The following PAPSS1 variants were observed in gnomAD, a reference collection of about 807,000 sequenced individuals.
The protein encoded by PAPSS1 is 3'-phosphoadenosine 5'-phosphosulfate synthase 1, also known as bifunctional 3'-phosphoadenosine 5'-phosphosulfate synthase 1.
A neutral mutation model predicts 72.0 loss-of-function variants in PAPSS1; 50 were observed. The ratio of observed to expected loss-of-function variants is 0.69; its 90% CI spans 0.55 to 0.88. The LOEUF is 0.88. Ranked by LOEUF, PAPSS1 falls within the 40% of genes least tolerant of loss-of-function variation. The pLI is 0.00. For missense variants in PAPSS1, 657 were observed against 782.2 expected, an observed-to-expected ratio of 0.84 and a Z score of 1.91; for synonymous variants, 261 against 263.6, an observed-to-expected ratio of 0.99 and a Z score of 0.09.
chr4:107,715,846 ACCTCACTATAACC>A (rs1208690719), intron 1 of PAPSS1, among the ~76,000 whole-genome samples: 2 of 152,168 alleles, frequency 1.3e-5, no homozygotes, highest in Non-Finnish European at 2.9e-5. Context: ...ACTTCTTTAA[ACCTCACTATAACC>A]CCATATGGTA....
intron 11 of PAPSS1, among the ~76,000 whole-genome samples, chr4:107,623,004 C>T (rs1726008096): frequency 6.6e-6 from 1 of 152,252 alleles, no homozygotes; most frequent in Admixed American, 6.5e-5. Context: ...GTCCTACTGA[C>T]TGTGCCTCCT....
chr4:107,618,133 G>C (rs1725870374), intron 11 of PAPSS1, among the ~76,000 whole-genome samples: 1 of 152,002 alleles, frequency 6.6e-6, no homozygotes, highest in African/African-American at 2.4e-5. Context: ...TCACCAAAAG[G>C]CAAAACATTT....
intron 5 of PAPSS1, among the ~76,000 whole-genome samples, chr4:107,672,196 C>T (rs747353052): frequency 6.6e-6 from 1 of 152,172 alleles, no homozygotes; most frequent in Admixed American, 6.5e-5. Context: ...GCGCATCTCA[C>T]TGGGGAGTGT....
intron 6 of PAPSS1, among the ~76,000 whole-genome samples, chr4:107,659,232 G>A (rs1310076209): frequency 6.6e-6 from 1 of 152,150 alleles, no homozygotes; most frequent in African/African-American, 2.4e-5. Context: ...TCCCATCAGG[G>A]ATTTGGTAAC....
intron 5 of PAPSS1, among the ~76,000 whole-genome samples, chr4:107,679,842 A>G (rs555101842): frequency 1.6e-4 from 25 of 152,280 alleles, no homozygotes; most frequent in African/African-American, 5.8e-4. Flanking sequence ...GAAAAAGTGG[A>G]CAGCATGCAT....
At chr4:107,699,495 A>T (rs1723156427) in intron 2 of PAPSS1, among the ~76,000 whole-genome samples, 1 of 152,192 alleles carries the variant, frequency 6.6e-6, no homozygotes, top group African/African-American at 2.4e-5. Context: ...CAGAGAAAAA[A>T]GACACCCTCA....
chr4:107,629,288 G>T (rs1362485111), intron 11 of PAPSS1, among the ~76,000 whole-genome samples: 2 of 152,204 alleles, frequency 1.3e-5, no homozygotes, highest in Admixed American at 1.3e-4. Flanking sequence ...ATGTCCCAAA[G>T]AAATCAGCAG....
At chr4:107,650,922 T>C in intron 9 of PAPSS1, among the ~76,000 whole-genome samples, 1 of 152,166 alleles carries the variant, frequency 6.6e-6, no homozygotes, top group East Asian at 1.9e-4. Flanking sequence ...CCCTCTTCCT[T>C]AGATCTCAAT....
intron 11 of PAPSS1, among the ~76,000 whole-genome samples, chr4:107,625,919 T>C (rs1726083704): frequency 6.6e-6 from 1 of 151,210 alleles, no homozygotes; most frequent in Non-Finnish European, 1.5e-5. Context: ...CGGTGGCTCA[T>C]GCCTGTAATC....
chr4:107,716,210 C>T (rs2125944421), intron 1 of PAPSS1, among the ~76,000 whole-genome samples: 1 of 152,226 alleles, frequency 6.6e-6, no homozygotes, highest in South Asian at 2.1e-4. Context: ...CAACATAATG[C>T]AGAAGAGCAC....
At chr4:107,685,802 C>G (rs929217954) in intron 4 of PAPSS1, among the ~76,000 whole-genome samples, 10 of 152,178 alleles carry the variant, frequency 6.6e-5, no homozygotes, top group African/African-American at 2.2e-4. Flanking sequence ...TTTTCCTTCC[C>G]ACTGTATCTT....
chr4:107,653,861 C>T (rs538572536), intron 8 of PAPSS1, among the ~76,000 whole-genome samples: 83 of 152,190 alleles, frequency 5.5e-4, no homozygotes, highest in African/African-American at 1.9e-3. Context: ...AAAAGCAATG[C>T]GAATAATTAC....
Position 107,644,039 on chromosome 4 carries a change from T to C in PAPSS1, c.1506+763A>G, listed in dbSNP as rs554701208. Among the ~76,000 whole-genome samples the C allele has an allele frequency of 4.6e-5, 7 of 152,216 alleles. 1 individual carries two copies. In the Middle Eastern group the frequency reaches 0.024, roughly 518 times the overall value. ...TAATGTGAGATGGCAAACCAGCTGGTGGCAACCCAGAACCCAAACTGTGCC... is the reference window on the plus strand; with the variant it reads ...TAATGTGAGATGGCAAACCAGCTGGCGGCAACCCAGAACCCAAACTGTGCC... On this transcript the variant is annotated intron_variant, in intron 10 of 11. Transcript: ENST00000265174.
At chr4:107,642,599 T>C (rs1726578327) in intron 10 of PAPSS1, among the ~76,000 whole-genome samples, 1 of 152,158 alleles carries the variant, frequency 6.6e-6, no homozygotes, top group South Asian at 2.1e-4. Flanking sequence ...GTCTGAAAAA[T>C]ACAGTAAGAA....
chr4:107,631,485 G>T, intron 11 of PAPSS1, 146 bp downstream of exon 11: 1 of 579,226 alleles, frequency 1.7e-6, no homozygotes, highest in Non-Finnish European at 3.0e-6. Context: ...CCAGAATGTT[G>T]GGAAATTACT....
chr4:107,672,357 C>G (rs959678479), intron 5 of PAPSS1, among the ~76,000 whole-genome samples: 2 of 152,238 alleles, frequency 1.3e-5, no homozygotes, highest in African/African-American at 4.8e-5. Flanking sequence ...AAAATCAGGT[C>G]ACTCCCACCC....
chr4:107,683,309 A>C (rs752649281), intron 4 of PAPSS1, among the ~76,000 whole-genome samples: 19 of 152,218 alleles, frequency 1.2e-4, no homozygotes, highest in Middle Eastern at 3.4e-3. Flanking sequence ...CTCAAGAAAA[A>C]ATTTCTGCGT....
intron 5 of PAPSS1, among the ~76,000 whole-genome samples, chr4:107,664,225 T>G (rs1200694325): frequency 6.6e-6 from 1 of 152,206 alleles, no homozygotes; most frequent in Non-Finnish European, 1.5e-5. Context: ...AAGCTTTCTT[T>G]GCCATCTCTG....
At position 107,631,779 on chromosome 4, in the gene PAPSS1, G is replaced by T. The variant is rs1191132157; in HGVS notation, c.1588C>A (p.Pro530Thr). The T allele has an allele frequency of 1.9e-6, 3 of 1,614,060 alleles. No individual in the cohort carries two copies. The East Asian group carries it at 6.7e-5, about 36-fold the overall frequency. The change falls in exon 11 of 12, where the codon CCA (proline) becomes ACA (threonine). Residue 530 changes from proline (P) to threonine (T), a missense_variant. Coordinates refer to ENST00000265174, the MANE Select transcript of PAPSS1 (RefSeq NM_005443.5). ...TCATAAAGATCCTTCCCTGTTTCTG[G>T]ATGAGGCATGCCAGCAGGGTCTCGT... ...VGRDPAGMPH[P>T]ETGKDLYEPS...
Sources: allele counts gnomAD v4.1 joint callset (sites outside exome capture counted in the v4.1 genomes callset), GRCh38; gene constraint gnomAD v4.1.1; transcripts MANE v1.5; gene names NCBI Gene and HGNC (gene_info 2026-07-23, HGNC 2026-07-21).